Variants in ADAMTS6 observed in about 807,000 individuals in gnomAD.
The protein encoded by ADAMTS6 is A disintegrin and metalloproteinase with thrombospondin motifs 6.
ADAMTS6 carries 23 observed loss-of-function variants against 144.3 expected under a neutral mutation model. That is an observed-to-expected ratio of 0.16 (90% CI 0.11 to 0.23). ADAMTS6 has a LOEUF of 0.23. Among genes scored for constraint, ADAMTS6 ranks in the 10% least tolerant of loss-of-function variants. ADAMTS6 has a pLI of 1.00. For missense variants in ADAMTS6, 999 were observed against 1,379.6 expected (o/e 0.72, Z 4.37); for synonymous variants, 444 against 457.5 (o/e 0.97, Z 0.38).
chr5:65,263,088 GATAGT>G, intron 12 of ADAMTS6, 126 bp from the exon 13 acceptor site: 1 of 1,191,540 alleles, frequency 8.4e-7, no homozygotes. Context: ...ATAACAGACA[GATAGT>G]TCTCTAACTG....
intron 7 of ADAMTS6, among the ~76,000 whole-genome samples, chr5:65,448,852 C>T (rs1237200277): frequency 1.3e-5 from 2 of 152,042 alleles, no homozygotes; most frequent in African/African-American, 4.8e-5. Flanking sequence ...AGGTCACACC[C>T]CGAACATGTT....
At chr5:65,245,914 AG>A (rs1024749011) in intron 14 of ADAMTS6, among the ~76,000 whole-genome samples, 2 of 152,204 alleles carry the variant, frequency 1.3e-5, no homozygotes, top group Non-Finnish European at 2.9e-5. Context: ...ACCCCGGTAT[AG>A]GGTGTTAACA....
intron 22 of ADAMTS6, among the ~76,000 whole-genome samples, chr5:65,175,771 C>A (rs1379592142): frequency 6.6e-6 from 1 of 151,336 alleles, no homozygotes; most frequent in African/African-American, 2.4e-5. Flanking sequence ...GGTTTCCTTA[C>A]AGGGGATCTA....
chr5:65,342,459 C>T (rs143157575), intron 7 of ADAMTS6, among the ~76,000 whole-genome samples: 7,557 of 152,072 alleles, frequency 0.05, 643 homozygotes, highest in African/African-American at 0.17. Context: ...TACCTCCCAC[C>T]GGGTCCCTCC....
At chr5:65,288,798 C>G (rs1056336689) in intron 11 of ADAMTS6, among the ~76,000 whole-genome samples, 3 of 152,202 alleles carry the variant, frequency 2.0e-5, no homozygotes, top group Non-Finnish European at 2.9e-5. Context: ...AGACAGCTAC[C>G]TAAATCAGGG....
intron 8 of ADAMTS6, among the ~76,000 whole-genome samples, chr5:65,333,504 T>C (rs1021795213): frequency 6.6e-6 from 1 of 152,038 alleles, no homozygotes; most frequent in African/African-American, 2.4e-5. Context: ...TTGGGTAGTA[T>C]AAAATTTCCA....
rs569791318 is a variant in ADAMTS6, at chr5:65,204,795, A to G, written c.2576-7644T>C. 4.6e-5 allele frequency among the ~76,000 whole-genome samples: 7 copies of G among 152,322 alleles called. No homozygotes were observed. The East Asian group carries it at 1.2e-3, about 25-fold the overall frequency. ...GGTTTTATATCTACGTTTGATATATACAGGACTCAAATGTAAAAGGACCTT... is the reference window on the plus strand; with the variant it reads ...GGTTTTATATCTACGTTTGATATATGCAGGACTCAAATGTAAAAGGACCTT... On this transcript the variant is annotated intron_variant, in intron 20 of 24. Transcript: ENST00000381055.
intron 15 of ADAMTS6, among the ~76,000 whole-genome samples, chr5:65,231,665 T>C (rs970278364): frequency 6.6e-6 from 1 of 152,172 alleles, no homozygotes; most frequent in African/African-American, 2.4e-5. Context: ...ATTGAAATCA[T>C]ATCAAGTATT....
At chr5:65,329,575 ACCT>A in intron 8 of ADAMTS6, 92 bp from the exon 9 acceptor site, 2 of 1,050,372 alleles carry the variant, frequency 1.9e-6, no homozygotes, top group Non-Finnish European at 2.7e-6. Flanking sequence ...CTTTTTAATA[ACCT>A]CCATGCACAG....
At chr5:65,215,562 T>C in intron 18 of ADAMTS6, 75 bp from the exon 19 acceptor site, 1 of 1,322,610 alleles carries the variant, frequency 7.6e-7, no homozygotes, top group Admixed American at 2.1e-5. Flanking sequence ...ATTACTGCAA[T>C]AAAGTATACA....
chr5:65,247,323 C>T (rs529721559), intron 14 of ADAMTS6, among the ~76,000 whole-genome samples: 31 of 152,230 alleles, frequency 2.0e-4, no homozygotes, highest in Non-Finnish European at 4.0e-4. Context: ...TGACTAAACT[C>T]AATACTTTGT....
chr5:65,352,581 G>A (rs1300123041), intron 7 of ADAMTS6, among the ~76,000 whole-genome samples: 4 of 151,894 alleles, frequency 2.6e-5, no homozygotes, highest in Admixed American at 6.6e-5. Context: ...ATAATTCATG[G>A]CCAAACAAAA....
At chr5:65,381,053 T>C (rs964293292) in intron 7 of ADAMTS6, among the ~76,000 whole-genome samples, 1 of 143,230 alleles carries the variant, frequency 7.0e-6, no homozygotes, top group Non-Finnish European at 1.5e-5. Context: ...ATAAACATAA[T>C]TATAACCCTA....
chr5:65,234,074 C>T (rs1262610034), intron 15 of ADAMTS6, among the ~76,000 whole-genome samples: 1 of 134,816 alleles, frequency 7.4e-6, no homozygotes, highest in Non-Finnish European at 1.6e-5. Context: ...TAGATGGTCA[C>T]GTGCAAAAAA....
At position 65,380,520 on chromosome 5, in the gene ADAMTS6, G is replaced by A. The variant is rs533823343; in HGVS notation, c.1074-46435C>T. Among the ~76,000 whole-genome samples the A allele has an allele frequency of 2.6e-5, 4 of 152,274 alleles. No homozygotes were observed. In the South Asian group the frequency reaches 8.3e-4, roughly 32 times the overall value. ...GAACTTGGGAGGCAGAGGTTGCAGT[G>A]AGACAAGATCATGCCACTGCACTCC... is the stretch of plus-strand genomic sequence containing the variant. On this transcript the variant is annotated intron_variant, in intron 7 of 24. Transcript: ENST00000381055.
At chr5:65,336,248 A>G (rs558598046) in intron 7 of ADAMTS6, among the ~76,000 whole-genome samples, 1 of 152,232 alleles carries the variant, frequency 6.6e-6, no homozygotes, top group African/African-American at 2.4e-5. Flanking sequence ...ATACATACAT[A>G]TATACATTTC....
chr5:65,266,996 T>A (rs1213791520), intron 12 of ADAMTS6, among the ~76,000 whole-genome samples: 5 of 152,022 alleles, frequency 3.3e-5, no homozygotes, highest in Non-Finnish European at 5.9e-5. Flanking sequence ...TTAATCAATA[T>A]AAATTAAGAG....
chr5:65,177,327 C>A (rs1188141388), intron 22 of ADAMTS6, among the ~76,000 whole-genome samples: 1 of 152,224 alleles, frequency 6.6e-6, no homozygotes, highest in Non-Finnish European at 1.5e-5. Flanking sequence ...TGCTGACCAT[C>A]TAGTTATTAA....
At chr5:65,398,171 A>C (rs894493785) in intron 7 of ADAMTS6, among the ~76,000 whole-genome samples, 1 of 152,168 alleles carries the variant, frequency 6.6e-6, no homozygotes, top group African/African-American at 2.4e-5. Context: ...GAGTTCAACT[A>C]TGTCCTTACT....
Sources: gnomAD v4.1 joint callset for allele counts (sites outside exome capture counted in the v4.1 genomes callset) on GRCh38, gnomAD v4.1.1 for gene constraint, MANE v1.5 for transcripts, NCBI Gene and HGNC (gene_info 2026-07-23, HGNC 2026-07-21) for gene names.